Variants in CFAP54 observed in about 807,000 individuals in gnomAD.
CFAP54 encodes the protein cilia and flagella associated protein 54, also known as cilia- and flagella-associated protein 54.
CFAP54 carries 290 observed loss-of-function variants against 370.4 expected under a neutral mutation model. The observed-to-expected ratio is 0.78, with a 90% CI of 0.71 to 0.86. The LOEUF is 0.86. Among genes scored for constraint, CFAP54 ranks in the 40% least tolerant of loss-of-function variants. The pLI is 0.00. For synonymous variants in CFAP54, 1,206 were observed against 1,236.5 expected (o/e 0.98, Z 0.52); for missense variants, 3,399 against 3,528.7 (o/e 0.96, Z 0.93).
intron 39 of CFAP54, among the ~76,000 whole-genome samples, chr12:96,675,826 A>G (rs1672733318): frequency 6.6e-6 from 1 of 152,016 alleles, no homozygotes; most frequent in Admixed American, 6.6e-5. Context: ...TTCTCAGCAA[A>G]CTATCGCAAG....
intron 67 of CFAP54, among the ~76,000 whole-genome samples, chr12:96,863,642 C>T (rs917848294): frequency 3.3e-5 from 5 of 152,236 alleles, no homozygotes; most frequent in African/African-American, 7.2e-5. Flanking sequence ...CTGTCATCTG[C>T]CCTGGGGGCC....
At chr12:96,782,138 C>T (rs1958586126) in intron 60 of CFAP54, among the ~76,000 whole-genome samples, 1 of 151,838 alleles carries the variant, frequency 6.6e-6, no homozygotes, top group Admixed American at 6.6e-5. Flanking sequence ...TAAAATTCAA[C>T]AACCATTTAT....
At chr12:96,607,231 C>T (rs1024782470) in intron 26 of CFAP54, among the ~76,000 whole-genome samples, 2 of 151,900 alleles carry the variant, frequency 1.3e-5, no homozygotes, top group African/African-American at 2.4e-5. Flanking sequence ...AGCAATTACT[C>T]GCTGAAGGAG....
At chr12:96,781,700 T>C (rs1319704800) in intron 60 of CFAP54, among the ~76,000 whole-genome samples, 1 of 152,080 alleles carries the variant, frequency 6.6e-6, no homozygotes, top group Non-Finnish European at 1.5e-5. Flanking sequence ...TAGAACATTG[T>C]TGATATATAA....
At chr12:96,570,171 G>T (rs1424492662) in intron 19 of CFAP54, among the ~76,000 whole-genome samples, 4 of 151,926 alleles carry the variant, frequency 2.6e-5, no homozygotes, top group African/African-American at 9.7e-5. Context: ...ATGCGGTTTT[G>T]TCATGTTGCC....
At chr12:96,633,221 A>G (rs1438500817) in intron 32 of CFAP54, among the ~76,000 whole-genome samples, 1 of 152,206 alleles carries the variant, frequency 6.6e-6, no homozygotes, top group Non-Finnish European at 1.5e-5. Flanking sequence ...TAGGACTTCG[A>G]GTTTAATCAG....
At chr12:96,528,908 A>C (rs988784980) in intron 9 of CFAP54, among the ~76,000 whole-genome samples, 1 of 152,198 alleles carries the variant, frequency 6.6e-6, no homozygotes, top group East Asian at 1.9e-4. Flanking sequence ...CATTAAATGC[A>C]TATTAAGACA....
intron 4 of CFAP54, among the ~76,000 whole-genome samples, chr12:96,508,001 G>A (rs1309189216): frequency 1.3e-5 from 2 of 152,190 alleles, no homozygotes; most frequent in South Asian, 2.1e-4. Flanking sequence ...GGCAGGGACG[G>A]AGAAGGAGCA....
intron 67 of CFAP54, among the ~76,000 whole-genome samples, chr12:96,871,913 C>T (rs149317811): frequency 4.3e-4 from 66 of 151,832 alleles, no homozygotes; most frequent in East Asian, 9.7e-4. Flanking sequence ...ATTCATGTTT[C>T]GACATGTGTG....
chr12:96,548,705 A>G (rs1238763181), intron 15 of CFAP54, among the ~76,000 whole-genome samples: 3 of 152,192 alleles, frequency 2.0e-5, no homozygotes, highest in Non-Finnish European at 2.9e-5. Flanking sequence ...ACTGACATGC[A>G]TAAGAGATTG....
intron 4 of CFAP54, 145 bp downstream of exon 4, chr12:96,507,244 CAT>C: frequency 1.5e-6 from 1 of 676,180 alleles, no homozygotes; most frequent in Non-Finnish European, 2.3e-6. Context: ...ATTCGTGTGA[CAT>C]GTTTGTCCTC....
At chr12:96,648,873 C>G (rs1592906933) in intron 34 of CFAP54, among the ~76,000 whole-genome samples, 1 of 152,234 alleles carries the variant, frequency 6.6e-6, no homozygotes, top group Non-Finnish European at 1.5e-5. Context: ...CAGGCGTGAG[C>G]CACTGCGCCC....
chr12:96,711,003 T>A (rs1459322654), intron 48 of CFAP54, among the ~76,000 whole-genome samples: 2 of 152,234 alleles, frequency 1.3e-5, no homozygotes, highest in Non-Finnish European at 2.9e-5. Context: ...CTTCTTTAAA[T>A]GTTTGGTAGA....
At chr12:96,554,143 T>G in intron 15 of CFAP54, 39 bp from the exon 16 acceptor site, 1 of 1,355,304 alleles carries the variant, frequency 7.4e-7, no homozygotes, top group African/African-American at 1.5e-5. Flanking sequence ...TGATTTTCCC[T>G]TGTTTTATTT....
intron 14 of CFAP54, 81 bp from the exon 15 acceptor site, chr12:96,547,819 CTT>C (rs1158509781): frequency 1.0e-5 from 6 of 592,784 alleles, no homozygotes; most frequent in Non-Finnish European, 1.7e-5. Flanking sequence ...TCCTCTTCCT[CTT>C]CCTACTTTTC....
chr12:96,805,173 T>G lies in CFAP54; in HGVS notation c.8851-6563T>G, dbSNP rs779837586. Among the ~76,000 whole-genome samples the G allele has an allele frequency of 4.5e-4, 69 of 152,078 alleles. 2 individuals are homozygous for G. The highest frequency in any genetic ancestry group is 1.1e-3 in the Admixed American group (17 of 15,248). ...AAACCTAAAAAATTCTCCTGGACAT[T>G]GGCCTAGGCAAAACATTTATGACCA... On this transcript the variant is annotated intron_variant, in intron 63 of 67. Transcript: ENST00000524981.
intron 66 of CFAP54, among the ~76,000 whole-genome samples, chr12:96,849,026 G>T (rs769815978): frequency 1.5e-4 from 23 of 152,188 alleles, no homozygotes; most frequent in Non-Finnish European, 2.4e-4. Context: ...GAACCTTTAT[G>T]AGATGGATCA....
intron 47 of CFAP54, among the ~76,000 whole-genome samples, chr12:96,707,383 G>T (rs1029859111): frequency 6.6e-6 from 1 of 152,128 alleles, no homozygotes; most frequent in African/African-American, 2.4e-5. Context: ...GGTATTCAAA[G>T]ACTGATAATT....
intron 4 of CFAP54, 69 bp from the exon 5 acceptor site, chr12:96,512,917 C>T: frequency 9.5e-7 from 1 of 1,057,154 alleles, no homozygotes; most frequent in Non-Finnish European, 1.3e-6. Flanking sequence ...ACTTGAACCA[C>T]AGAAATTGGA....
Sources: allele counts gnomAD v4.1 joint callset (sites outside exome capture counted in the v4.1 genomes callset), GRCh38; gene constraint gnomAD v4.1.1; transcripts MANE v1.5; gene names NCBI Gene and HGNC (gene_info 2026-07-23, HGNC 2026-07-21).